Variants in GPRC6A observed in about 807,000 individuals in gnomAD.
GPRC6A encodes G protein-coupled receptor family C group 6 member A.
Under a neutral mutation model 47.0 loss-of-function variants are expected in GPRC6A, and 54 were observed. That is an observed-to-expected ratio of 1.15 (90% CI 0.92 to 1.44). The LOEUF (loss-of-function observed/expected upper bound fraction) is 1.44. GPRC6A is among the 40% of genes most tolerant of loss of function. GPRC6A has a pLI of 0.00. For synonymous variants in GPRC6A, 347 were observed against 377.1 expected, an observed-to-expected ratio of 0.92 and a Z score of 0.93; for missense variants, 1,112 against 1,105.5, an observed-to-expected ratio of 1.01 and a Z score of -0.08.
chr6:116,799,534 T>C (rs1405288203), intron 4 of GPRC6A, among the ~76,000 whole-genome samples: 2 of 152,204 alleles, frequency 1.3e-5, no homozygotes, highest in Non-Finnish European at 2.9e-5. Flanking sequence ...ATGTTAATAT[T>C]TGGCTTTATT....
intron 1 of GPRC6A, among the ~76,000 whole-genome samples, chr6:116,821,475 G>T (rs1355345803): frequency 2.0e-5 from 3 of 152,088 alleles, no homozygotes; most frequent in Admixed American, 6.5e-5. Context: ...CAAGGCGACA[G>T]TAACCAAAAC....
At chr6:116,811,845 TAAAA>T (rs1387138720) in intron 1 of GPRC6A, among the ~76,000 whole-genome samples, 1 of 151,612 alleles carries the variant, frequency 6.6e-6, no homozygotes, top group South Asian at 2.1e-4. Flanking sequence ...AAAAAAGAAT[TAAAA>T]AAAGCTAAAC....
Position 116,796,282 on chromosome 6 carries a change from TA to T in GPRC6A, c.1549-448del, listed in dbSNP as rs202165068. On this transcript the variant is annotated intron_variant, in intron 4 of 5. Coordinates refer to ENST00000310357, the MANE Select transcript of GPRC6A (RefSeq NM_148963.4). ...GCATGTCCTGTCTAACTCCAAAAAA[TA>T]AAAAAAAAAGAAACATTTTGAGTTT... is the stretch of plus-strand genomic sequence containing the variant. 1.1e-3 allele frequency among the ~76,000 whole-genome samples: 158 copies of T among 144,708 alleles called. No homozygotes were observed. The East Asian group carries it at 0.013, about 12-fold the overall frequency. The allele number at this position is 144,708 out of a possible 152,430, so 94.9% of individuals were successfully genotyped here.
chr6:116,793,304 TC>T, intron 5 of GPRC6A, 54 bp from the exon 6 acceptor site: 1 of 1,225,028 alleles, frequency 8.2e-7, no homozygotes, highest in Non-Finnish European at 1.1e-6. Flanking sequence ...TAGGTGATAG[TC>T]CACAATACTA....
chr6:116,813,015 C>G (rs1283502657), intron 1 of GPRC6A, among the ~76,000 whole-genome samples: 2 of 152,118 alleles, frequency 1.3e-5, no homozygotes, highest in Non-Finnish European at 2.9e-5. Context: ...ACAATTGCTT[C>G]AAAGATAATA....
At chr6:116,816,961 G>A (rs1346307686) in intron 1 of GPRC6A, among the ~76,000 whole-genome samples, 1 of 152,356 alleles carries the variant, frequency 6.6e-6, no homozygotes, top group African/African-American at 2.4e-5. Flanking sequence ...GGCTGGGGGA[G>A]GGGCGCCCGC....
intron 1 of GPRC6A, among the ~76,000 whole-genome samples, chr6:116,818,375 A>G (rs1773314446): frequency 2.0e-5 from 3 of 148,934 alleles, no homozygotes; most frequent in Admixed American, 6.7e-5. Context: ...TCTACTAAAA[A>G]TACAAAAAAT....
rs1773750571 is a variant in GPRC6A, at chr6:116,828,805, T to TTAGATTTCACCCAACACACTCCTGGG, written c.194+14_194+15insCCCAGGAGTGTGTTGGGTGAAATCTA. On this transcript the variant is annotated intron_variant, in intron 1 of 5. Transcript: ENST00000310357. ...CAATCTTGAAATCTAAACGTGTTTT[T>TTAGATTTCACCCAACACACTCCTGGG]TGAGACTTACTCACCCAACACACTC... 1.3e-6 allele frequency: 2 copies of TTAGATTTCACCCAACACACTCCTGGG among 1,597,524 alleles called. No homozygotes were observed. Among genetic ancestry groups the TTAGATTTCACCCAACACACTCCTGGG allele is most frequent in the Non-Finnish European group, 1.7e-6 (2 of 1,169,624 alleles).
intron 2 of GPRC6A, among the ~76,000 whole-genome samples, chr6:116,808,004 T>C (rs1220777709): frequency 6.6e-6 from 1 of 152,010 alleles, no homozygotes; most frequent in Non-Finnish European, 1.5e-5. Flanking sequence ...CCTTCTTTTT[T>C]TTTTTTAACT....
At chr6:116,817,764 T>A (rs1439734966) in intron 1 of GPRC6A, among the ~76,000 whole-genome samples, 1 of 151,940 alleles carries the variant, frequency 6.6e-6, no homozygotes, top group Non-Finnish European at 1.5e-5. Flanking sequence ...TGCGATCAAC[T>A]GGAAGAAAGG....
Position 116,809,487 on chromosome 6 carries a change from C to G in GPRC6A, c.325G>C (p.Ala109Pro). 5 of 1,613,634 alleles carry G rather than the reference C, an allele frequency of 3.1e-6. No individual in the cohort carries two copies. Among genetic ancestry groups the G allele is most frequent in the Non-Finnish European group, 4.2e-6 (5 of 1,179,768 alleles). Residue 109 changes from alanine to proline, a missense_variant, in exon 2 of 6, where the codon GCA becomes CCA. Transcript: ENST00000310357. ...IYDTCTEVTV[A>P]MAATLRFLSK... ...AGAAACCTCAGAGTGGCTGCCATTG[C>G]CACTGTGACTTCTGTACAAGTGTCA...
chr6:116,813,575 A>T (rs1440323747), intron 1 of GPRC6A, among the ~76,000 whole-genome samples: 1 of 152,188 alleles, frequency 6.6e-6, no homozygotes, highest in African/African-American at 2.4e-5. Flanking sequence ...CTGAAACCGG[A>T]TCCCTTCCTT....
chr6:116,823,016 G>A (rs1234235921), intron 1 of GPRC6A, among the ~76,000 whole-genome samples: 1 of 151,620 alleles, frequency 6.6e-6, no homozygotes, highest in Non-Finnish European at 1.5e-5. Flanking sequence ...CATTGTCTTG[G>A]CTATTAACAT....
chr6:116,809,476 G>A lies in GPRC6A; in HGVS notation c.336C>T (p.Ala112=). The A allele has an allele frequency of 6.2e-7, 1 of 1,613,626 alleles. No homozygotes were observed. The part of the protein sequence containing the change: ...TCTEVTVAMA[A]TLRFLSKFNC... Reference sequence around the variant, plus strand: ...TGAATTTAGAAAGAAACCTCAGAGTGGCTGCCATTGCCACTGTGACTTCTG... The same window carrying A: ...TGAATTTAGAAAGAAACCTCAGAGTAGCTGCCATTGCCACTGTGACTTCTG... Residue 112 remains alanine (A), a synonymous_variant, in exon 2 of 6, where the codon GCC becomes GCT. Transcript: ENST00000310357.
intron 5 of GPRC6A, 26 bp from the exon 6 acceptor site, chr6:116,793,276 C>T: frequency 6.6e-7 from 1 of 1,504,994 alleles, no homozygotes; most frequent in Non-Finnish European, 8.9e-7. Context: ...GACGCAGTTA[C>T]ATTGTCAACA....
chr6:116,817,955 C>A (rs966745563), intron 1 of GPRC6A, among the ~76,000 whole-genome samples: 9 of 151,946 alleles, frequency 5.9e-5, no homozygotes, highest in African/African-American at 2.2e-4. Context: ...GGAAAACACT[C>A]TGCAGGATAT....
chr6:116,798,627 C>CT (rs1259101932), intron 4 of GPRC6A, among the ~76,000 whole-genome samples: 1 of 152,002 alleles, frequency 6.6e-6, no homozygotes, highest in Non-Finnish European at 1.5e-5. Context: ...GGTTATGCCT[C>CT]TAATTCCAGC....
At position 116,812,989 on chromosome 6, in the gene GPRC6A, G is replaced by C. The variant is rs1396299732; in HGVS notation, c.195-3372C>G. Among the ~76,000 whole-genome samples the C allele has an allele frequency of 3.3e-5, 5 of 152,134 alleles. No homozygotes were observed. In the East Asian group the frequency reaches 9.6e-4, roughly 29 times the overall value. ...ACAGACAAACAGAGAGACAAATCATGAGTGAACTCCCATTCACAATTGCTT... is the reference window on the plus strand; with the variant it reads ...ACAGACAAACAGAGAGACAAATCATCAGTGAACTCCCATTCACAATTGCTT... On this transcript the variant is annotated intron_variant, in intron 1 of 5. Coordinates refer to ENST00000310357, the MANE Select transcript of GPRC6A (RefSeq NM_148963.4).
Position 116,800,853 on chromosome 6 carries a change from T to C in GPRC6A, c.1336-57A>G, listed in dbSNP as rs1772653606. 1.3e-5 allele frequency: 13 copies of C among 1,034,872 alleles called. No homozygotes were observed. In the South Asian group the frequency reaches 1.7e-4, roughly 14 times the overall value. The allele number at this position is 1,034,872 out of a possible 1,614,324, so 64.1% of individuals were successfully genotyped here. On this transcript the variant is annotated intron_variant, in intron 3 of 5. Coordinates refer to ENST00000310357, the MANE Select transcript of GPRC6A (RefSeq NM_148963.4). ...AATATAAATGTTGCAAATGTATCCA[T>C]TATTCTAATGATAACACTGCCTTAT...
Sources: gnomAD v4.1 joint callset for allele counts (sites outside exome capture counted in the v4.1 genomes callset) on GRCh38, gnomAD v4.1.1 for gene constraint, MANE v1.5 for transcripts, NCBI Gene and HGNC (gene_info 2026-07-23, HGNC 2026-07-21) for gene names.